The following NCAPD3 variants were observed in gnomAD, a reference collection of about 807,000 sequenced individuals.
NCAPD3 encodes the protein condensin-2 complex subunit D3.
In NCAPD3, 105 loss-of-function variants were observed where a neutral mutation model predicts 182.9. The ratio of observed to expected loss-of-function variants is 0.57; its 90% CI spans 0.49 to 0.68. The LOEUF (loss-of-function observed/expected upper bound fraction) is 0.68. Ranked by LOEUF, NCAPD3 falls within the 30% of genes least tolerant of loss-of-function variation. NCAPD3 has a pLI of 0.00. For missense variants in NCAPD3, 1,944 were observed against 1,837.0 expected (o/e 1.06, Z -1.07); for synonymous variants, 815 against 679.9 (o/e 1.20, Z -3.09).
intron 12 of NCAPD3, 26 bp downstream of exon 12, chr11:134,203,116 T>C (rs1469749251): frequency 6.7e-7 from 1 of 1,494,078 alleles, no homozygotes; most frequent in Non-Finnish European, 9.3e-7. Context: ...AATCATTCAA[T>C]ATTTGAAAAT....
chr11:134,159,756 C>T, intron 29 of NCAPD3, 136 bp downstream of exon 29: 4 of 901,648 alleles, frequency 4.4e-6, no homozygotes, highest in African/African-American at 1.7e-5. Flanking sequence ...GAGTGGCCAA[C>T]AAGCAGCACT....
At chr11:134,208,093 T>C (rs1253697826) in intron 7 of NCAPD3, among the ~76,000 whole-genome samples, 1 of 152,120 alleles carries the variant, frequency 6.6e-6, no homozygotes, top group Non-Finnish European at 1.5e-5. Flanking sequence ...GACCCACAGC[T>C]AGTAAGTGGT....
At chr11:134,183,861 A>C (rs1405278913) in intron 19 of NCAPD3, among the ~76,000 whole-genome samples, 1 of 152,226 alleles carries the variant, frequency 6.6e-6, no homozygotes, top group African/African-American at 2.4e-5. Context: ...AGTTGGGGAG[A>C]TCAGCTGAAG....
intron 13 of NCAPD3, among the ~76,000 whole-genome samples, chr11:134,196,645 C>CAAAAAAAAAAA (rs998502328): frequency 3.5e-5 from 2 of 57,864 alleles, no homozygotes; most frequent in Non-Finnish European, 6.8e-5. Flanking sequence ...AACTCCATCT[C>CAAAAAAAAAAA]AAAAAAAAAA....
intron 13 of NCAPD3, among the ~76,000 whole-genome samples, chr11:134,195,998 A>T (rs865860472): frequency 6.6e-6 from 1 of 152,172 alleles, no homozygotes; most frequent in Non-Finnish European, 1.5e-5. Context: ...TATATATAAG[A>T]AGGCAGCTTA....
chr11:134,221,772 G>A (rs1028266129), intron 1 of NCAPD3, among the ~76,000 whole-genome samples: 3 of 152,176 alleles, frequency 2.0e-5, no homozygotes, highest in Admixed American at 6.5e-5. Context: ...GAAAATGAAA[G>A]GCCTTACACT....
chr11:134,195,470 A>G (rs1180841681), intron 13 of NCAPD3, among the ~76,000 whole-genome samples: 1 of 152,246 alleles, frequency 6.6e-6, no homozygotes, highest in Non-Finnish European at 1.5e-5. Context: ...ACTTAGAATC[A>G]GAAATTTAAA....
chr11:134,171,964 G>C (rs988996107), intron 24 of NCAPD3, among the ~76,000 whole-genome samples: 2 of 152,144 alleles, frequency 1.3e-5, no homozygotes, highest in African/African-American at 2.4e-5. Flanking sequence ...GCTTGGTTTC[G>C]TGTTCCTTTT....
rs139669316 is a variant in NCAPD3, at chr11:134,176,362, A to T, written c.3046T>A (p.Ser1016Thr). The T allele has an allele frequency of 6.2e-7, 1 of 1,614,026 alleles. No homozygotes were observed. The highest frequency in any genetic ancestry group is 2.2e-5 in the East Asian group (1 of 44,886). ...LQEEFVKWKG[S>T]LFFRFVSTLI... Reference sequence around the variant, plus strand: ...GTGCTGACAAATCGGAAGAACAGGGAGCCCTTCCATTTCACAAATTCCTCC... The same window carrying T: ...GTGCTGACAAATCGGAAGAACAGGGTGCCCTTCCATTTCACAAATTCCTCC... Residue 1016 changes from serine to threonine, a missense_variant, in exon 24 of 35, where the codon TCC (serine) becomes ACC (threonine). This residue lies in a region of NCAPD3 where 1,803 missense variants were observed against 1,674.6 expected (regional missense o/e 1.08). Transcript: ENST00000534548.
chr11:134,153,514 A>G lies in NCAPD3; in HGVS notation c.4253-151T>C. 3 of 760,676 alleles carry G rather than the reference A, an allele frequency of 3.9e-6. No homozygotes were observed. The South Asian group carries it at 4.6e-5, about 12-fold the overall frequency. 47.1% of individuals were successfully genotyped at this position (760,676 alleles called of 1,614,324 possible). ...ACTGGACCCTGTCCCAGGGCCTGGC[A>G]GTGTTGAGGGCCCCTCCTGGGGATG... On this transcript the variant is annotated intron_variant, in intron 32 of 34. Coordinates refer to ENST00000534548, the MANE Select transcript of NCAPD3 (RefSeq NM_015261.3).
At chr11:134,216,087 T>C (rs1938012472) in intron 3 of NCAPD3, among the ~76,000 whole-genome samples, 1 of 152,180 alleles carries the variant, frequency 6.6e-6, no homozygotes, top group African/African-American at 2.4e-5. Flanking sequence ...ACTACTTTTT[T>C]GAGAGAGGGC....
At chr11:134,224,340 G>A (rs1225327426), upstream of NCAPD3, 3 of 279,370 alleles carry the variant, frequency 1.1e-5, no homozygotes, top group African/African-American at 2.3e-5. Flanking sequence ...TGCCTTTCCC[G>A]TCAGCACTCG....
At chr11:134,217,206 T>G in intron 2 of NCAPD3, 108 bp from the exon 3 acceptor site, 1 of 1,015,134 alleles carries the variant, frequency 9.9e-7, no homozygotes, top group Non-Finnish European at 1.4e-6. Flanking sequence ...AGGAATAGAG[T>G]AGCCTGGCTC....
intron 19 of NCAPD3, chr11:134,182,901 GC>G (rs1944327687): frequency 3.4e-6 from 1 of 296,904 alleles, no homozygotes; most frequent in Admixed American, 4.5e-5. Flanking sequence ...CAATCTCAGG[GC>G]CTTGCTCCTC....
chr11:134,196,910 G>GT, intron 13 of NCAPD3, among the ~76,000 whole-genome samples: 1 of 152,136 alleles, frequency 6.6e-6, no homozygotes, highest in Non-Finnish European at 1.5e-5. Context: ...AACGGATATA[G>GT]TTTGAGTATT....
At chr11:134,172,384 T>A (rs1944028421) in intron 24 of NCAPD3, among the ~76,000 whole-genome samples, 1 of 152,228 alleles carries the variant, frequency 6.6e-6, no homozygotes, top group African/African-American at 2.4e-5. Context: ...ATGACTACCC[T>A]GCTGATCCTT....
intron 3 of NCAPD3, 35 bp from the exon 4 acceptor site, chr11:134,210,489 TTTAA>T: frequency 1.3e-6 from 2 of 1,562,060 alleles, no homozygotes; most frequent in Middle Eastern, 1.7e-4. Context: ...GCAAGTTAGA[TTTAA>T]TTGTCTTGAA....
intron 27 of NCAPD3, among the ~76,000 whole-genome samples, chr11:134,165,010 C>T (rs1214763954): frequency 6.7e-6 from 1 of 150,056 alleles, no homozygotes; most frequent in African/African-American, 2.5e-5. Context: ...AGGGAAGCTG[C>T]ACACCCACTT....
intron 27 of NCAPD3, among the ~76,000 whole-genome samples, chr11:134,167,170 G>T (rs1188519440): frequency 7.3e-6 from 1 of 137,412 alleles, no homozygotes; most frequent in Non-Finnish European, 1.6e-5. Context: ...AGGTGAGCTT[G>T]GGGGAGGCGC....
Sources: allele counts gnomAD v4.1 joint callset (sites outside exome capture counted in the v4.1 genomes callset), GRCh38; gene constraint gnomAD v4.1.1; regional missense constraint gnomAD v4.1.1; transcripts MANE v1.5; gene names NCBI Gene and HGNC (gene_info 2026-07-23, HGNC 2026-07-21).